The following AGBL1 variants were observed in gnomAD, a reference collection of about 807,000 sequenced individuals.
AGBL1 encodes the protein AGBL carboxypeptidase 1.
Under a neutral mutation model 118.9 loss-of-function variants are expected in AGBL1, and 130 were observed. The ratio of observed to expected loss-of-function variants is 1.09; its 90% CI spans 0.95 to 1.26. The LOEUF is 1.26. Among genes scored for constraint, AGBL1 ranks in the 50% most tolerant of loss-of-function variants. The pLI, the probability that AGBL1 is intolerant of heterozygous loss-of-function variation, is 0.00. For missense variants in AGBL1, 1,584 were observed against 1,298.1 expected (o/e 1.22, Z -3.38); for synonymous variants, 555 against 478.9 (o/e 1.16, Z -2.08).
chr15:86,505,224 G>A (rs1362134739), intron 18 of AGBL1, among the ~76,000 whole-genome samples: 1 of 151,744 alleles, frequency 6.6e-6, no homozygotes, highest in Non-Finnish European at 1.5e-5. Flanking sequence ...TACATGTCTA[G>A]GTGTGGACCC....
chr15:86,971,214 C>T (rs375898237), intron 23 of AGBL1, among the ~76,000 whole-genome samples: 9 of 152,118 alleles, frequency 5.9e-5, no homozygotes, highest in African/African-American at 2.2e-4. Flanking sequence ...ACTGGGAAAA[C>T]TGTACTGTCA....
rs542257114 is a variant in AGBL1, at chr15:86,839,981, CTGAT to C, written c.3159-67103_3159-67100del. Among the ~76,000 whole-genome samples, 9 of 152,290 alleles carry C rather than the reference CTGAT, an allele frequency of 5.9e-5. No homozygotes were observed. In the East Asian group the frequency reaches 1.7e-3, roughly 29 times the overall value. ...CAGGCAAGTCACAACTTTCTTATAT[CTGAT>C]TGGGCAGAAGGTTTATAGTATCTCA... On this transcript the variant is annotated intron_variant, in intron 22 of 22. Transcript: ENST00000614907.
chr15:86,516,169 A>G (rs1482406205), intron 18 of AGBL1, among the ~76,000 whole-genome samples: 2 of 152,212 alleles, frequency 1.3e-5, no homozygotes, highest in African/African-American at 4.8e-5. Context: ...AGAGAAAGCC[A>G]TTATATATGC....
rs200546908 is a variant in AGBL1, at chr15:86,473,555, G to GT, written c.2556-49247dup. Among the ~76,000 whole-genome samples, 855 of 148,596 alleles carry GT rather than the reference G, an allele frequency of 5.8e-3. 7 individuals are homozygous for GT. Among genetic ancestry groups the GT allele is most frequent in the African/African-American group, 0.017 (649 of 38,772 alleles). ...GTAGTGTGTATATTTTTTTCTATTTGTTTTTTTTAAAAAAGGTCATGTGTA... is the reference window on the plus strand; with the variant it reads ...GTAGTGTGTATATTTTTTTCTATTTGTTTTTTTTTAAAAAAGGTCATGTGTA... On this transcript the variant is annotated intron_variant, in intron 18 of 22. Coordinates refer to ENST00000614907, the MANE Select transcript of AGBL1 (RefSeq NM_001386094.1).
chr15:86,256,253 AT>A (rs1438031445), intron 7 of AGBL1, among the ~76,000 whole-genome samples: 1 of 152,126 alleles, frequency 6.6e-6, no homozygotes, highest in Non-Finnish European at 1.5e-5. Context: ...TGCAAACCCA[AT>A]TTTTCTCTGA....
At chr15:86,961,821 A>T (rs561482898) in intron 23 of AGBL1, among the ~76,000 whole-genome samples, 26 of 152,082 alleles carry the variant, frequency 1.7e-4, no homozygotes, top group African/African-American at 6.0e-4. Context: ...TTCTTAGGGT[A>T]TGCCTAAGAT....
intron 22 of AGBL1, among the ~76,000 whole-genome samples, chr15:86,725,303 G>T (rs2086802857): frequency 6.6e-6 from 1 of 152,160 alleles, no homozygotes; most frequent in African/African-American, 2.4e-5. Flanking sequence ...CAGAGACATG[G>T]TCTAGATGTT....
intron 18 of AGBL1, among the ~76,000 whole-genome samples, chr15:86,517,560 C>G (rs2083136181): frequency 6.6e-6 from 1 of 152,168 alleles, no homozygotes; most frequent in Non-Finnish European, 1.5e-5. Flanking sequence ...TTGGCTTTCC[C>G]ATTTCTGGGC....
At chr15:86,929,647 C>T (rs2080582378) in intron 23 of AGBL1, among the ~76,000 whole-genome samples, 1 of 152,210 alleles carries the variant, frequency 6.6e-6, no homozygotes, top group South Asian at 2.1e-4. Flanking sequence ...ATTCAACATC[C>T]AGTTCTCAAA....
intron 21 of AGBL1, among the ~76,000 whole-genome samples, chr15:86,623,532 A>G (rs1194462325): frequency 6.6e-6 from 1 of 152,096 alleles, no homozygotes; most frequent in African/African-American, 2.4e-5. Context: ...CACTACCCAA[A>G]CTGTCCTCCA....
In AGBL1 at chr15:86,372,682, C is replaced by T. The variant is rs1404844436; in HGVS notation, c.2375-24684C>T. Among the ~76,000 whole-genome samples, 5 of 152,238 alleles carry T rather than the reference C, an allele frequency of 3.3e-5. No homozygotes were observed. The South Asian group carries it at 8.3e-4, about 25-fold the overall frequency. On this transcript the variant is annotated intron_variant, in intron 17 of 22. Transcript: ENST00000614907. ...GTTTTCCTGGCTACCTCTACAATGTCACCTGGGACCAATACCTGAGAAACT... is the reference window on the plus strand; with the variant it reads ...GTTTTCCTGGCTACCTCTACAATGTTACCTGGGACCAATACCTGAGAAACT...
chr15:86,715,313 C>T (rs1032960739), intron 22 of AGBL1, among the ~76,000 whole-genome samples: 7 of 152,148 alleles, frequency 4.6e-5, no homozygotes, highest in East Asian at 1.9e-4. Context: ...TATCACCCAG[C>T]GGAGAAGTCA....
chr15:86,847,402 G>A (rs2079335120), intron 22 of AGBL1, among the ~76,000 whole-genome samples: 1 of 152,162 alleles, frequency 6.6e-6, no homozygotes, highest in African/African-American at 2.4e-5. Flanking sequence ...TGCCTTCTCT[G>A]CCCAATGATA....
chr15:86,746,761 T>C (rs1448065744), intron 22 of AGBL1, among the ~76,000 whole-genome samples: 1 of 151,998 alleles, frequency 6.6e-6, no homozygotes, highest in African/African-American at 2.4e-5. Flanking sequence ...AGGAAATTAG[T>C]ATGACGCTGG....
At chr15:86,419,374 G>A (rs545780951) in intron 18 of AGBL1, among the ~76,000 whole-genome samples, 34 of 152,238 alleles carry the variant, frequency 2.2e-4, no homozygotes, top group Non-Finnish European at 2.9e-4. Context: ...AAACTCCCTC[G>A]TAGCCAAGGG....
At position 87,000,069 on chromosome 15, in the gene AGBL1, G is replaced by A. The variant is rs1413427525; in HGVS notation, c.3323+11981G>A. Among the ~76,000 whole-genome samples, 4 of 89,140 alleles carry A rather than the reference G, an allele frequency of 4.5e-5. No individual in the cohort carries two copies. In the East Asian group the frequency reaches 1.0e-3, roughly 23 times the overall value. The allele number at this position is 89,140 out of a possible 152,430, so 58.5% of individuals were successfully genotyped here. A position where few individuals can be genotyped will look rare whatever the true frequency, so the allele number is the denominator to read the frequency against. On this transcript the variant is annotated intron_variant, in intron 24 of 24. Coordinates refer to the AGBL1 transcript ENST00000441037. ...CATGTCCTTCGCCCACTTTTTGATGGGGTTGTTTGGTTTTTTCTTGTAAAT... is the reference window on the plus strand; with the variant it reads ...CATGTCCTTCGCCCACTTTTTGATGAGGTTGTTTGGTTTTTTCTTGTAAAT...
At chr15:86,277,775 G>C (rs775678746) in intron 15 of AGBL1, among the ~76,000 whole-genome samples, 1 of 152,194 alleles carries the variant, frequency 6.6e-6, no homozygotes, top group Non-Finnish European at 1.5e-5. Flanking sequence ...TGTAGGTGAA[G>C]AACTGGGGAC....
rs151331955 is a variant in AGBL1 at position 86,165,095 on chromosome 15, A to G, written c.488+6069A>G. Among the ~76,000 whole-genome samples the G allele has an allele frequency of 2.6e-5, 4 of 152,292 alleles. No individual in the cohort carries two copies. The East Asian group carries it at 7.7e-4, about 29-fold the overall frequency. ...TGGAGGTCGGAGTACCTGGGCTTAA[A>G]CACCTTGGCAACGGGAGGAGATGGA... On this transcript the variant is annotated intron_variant, in intron 5 of 22. Transcript: ENST00000614907.
At chr15:86,685,398 A>C (rs1462482043) in intron 22 of AGBL1, among the ~76,000 whole-genome samples, 1 of 152,152 alleles carries the variant, frequency 6.6e-6, no homozygotes, top group East Asian at 1.9e-4. Context: ...ATAACTTAGC[A>C]TAAGCCAATA....
Sources: gnomAD v4.1 joint callset for allele counts (sites outside exome capture counted in the v4.1 genomes callset) on GRCh38, gnomAD v4.1.1 for gene constraint, MANE v1.5 for transcripts, NCBI Gene and HGNC (gene_info 2026-07-23, HGNC 2026-07-21) for gene names.